DAB1: variants seen among roughly 807,000 people sequenced by gnomAD.
DAB1 encodes the protein DAB adaptor protein 1.
Under a neutral mutation model 64.6 loss-of-function variants are expected in DAB1, and 15 were observed. That is an observed-to-expected ratio of 0.23 (90% CI 0.16 to 0.36). The LOEUF is 0.36. Ranked by LOEUF, DAB1 falls within the 10% of genes least tolerant of loss-of-function variation. The pLI, the probability that DAB1 is intolerant of heterozygous loss-of-function variation, is 1.00. For synonymous variants in DAB1, 235 were observed against 251.9 expected, an observed-to-expected ratio of 0.93 and a Z score of 0.64; for missense variants, 596 against 706.7, an observed-to-expected ratio of 0.84 and a Z score of 1.78.
chr1:58,033,773 A>C (rs1299110947), intron 5 of DAB1, among the ~76,000 whole-genome samples: 4 of 152,202 alleles, frequency 2.6e-5, no homozygotes, highest in Non-Finnish European at 4.4e-5. Flanking sequence ...ATTTCTGCTG[A>C]TATTTTTTAT....
intron 5 of DAB1, among the ~76,000 whole-genome samples, chr1:58,063,299 C>T (rs1358621137): frequency 6.6e-6 from 1 of 152,016 alleles, no homozygotes; most frequent in Non-Finnish European, 1.5e-5. Flanking sequence ...TGAGTCATTT[C>T]GTGACGCAAG....
chr1:57,092,603 A>G (rs956827507), intron 4 of DAB1, among the ~76,000 whole-genome samples: 8 of 146,056 alleles, frequency 5.5e-5, no homozygotes, highest in African/African-American at 2.0e-4. Context: ...AGTCAATGAA[A>G]CCTCCTTCTT....
rs143373940 is a variant in DAB1, at chr1:57,364,287, C to A, written c.-137+59643G>T. 2.0e-3 allele frequency among the ~76,000 whole-genome samples: 306 copies of A among 152,226 alleles called. 1 individual carries two copies. Among genetic ancestry groups the A allele is most frequent in the African/African-American group, 6.8e-3 (282 of 41,538 alleles). On this transcript the variant is annotated intron_variant, in intron 1 of 14. Coordinates refer to ENST00000371236, the MANE Select transcript of DAB1 (RefSeq NM_001365792.1). ...TATTTCTAAGAGAGTATTAAAGAAC[C>A]AGTCCAAATGAAAATTCCAAAATTA...
chr1:58,188,102 T>C (rs1433965371), intron 4 of DAB1, among the ~76,000 whole-genome samples: 1 of 151,470 alleles, frequency 6.6e-6, no homozygotes, highest in Admixed American at 6.6e-5. Context: ...AGAGATGGGG[T>C]TTCACCATGT....
chr1:58,510,318 G>A (rs1245169039), intron 2 of DAB1, among the ~76,000 whole-genome samples: 2 of 151,924 alleles, frequency 1.3e-5, no homozygotes, highest in Admixed American at 1.3e-4. Context: ...AATCAAGAAT[G>A]GTTCAACACA....
chr1:57,853,832 T>C (rs1475759676), intron 1 of DAB1, among the ~76,000 whole-genome samples: 3 of 152,040 alleles, frequency 2.0e-5, no homozygotes, highest in Non-Finnish European at 4.4e-5. Context: ...TTACAAGAGG[T>C]GAGAAGGTTC....
intron 1 of DAB1, among the ~76,000 whole-genome samples, chr1:57,858,429 G>A (rs1253879392): frequency 6.6e-6 from 1 of 151,954 alleles, no homozygotes; most frequent in Admixed American, 6.6e-5. Flanking sequence ...CCAGCTTATT[G>A]CAAAGTAAGG....
intron 2 of DAB1, among the ~76,000 whole-genome samples, chr1:57,167,494 T>C (rs1306014893): frequency 2.0e-5 from 3 of 152,172 alleles, no homozygotes; most frequent in Non-Finnish European, 4.4e-5. Context: ...TCTCTTGTGG[T>C]GTGTCCAGGG....
intron 7 of DAB1, among the ~76,000 whole-genome samples, chr1:57,517,650 C>T (rs1644478262): frequency 6.6e-6 from 1 of 152,188 alleles, no homozygotes; most frequent in African/African-American, 2.4e-5. Flanking sequence ...TCTTTGAACC[C>T]TAATTTGACA....
At chr1:58,114,131 T>C (rs1652172740) in intron 5 of DAB1, among the ~76,000 whole-genome samples, 1 of 149,962 alleles carries the variant, frequency 6.7e-6, no homozygotes, top group African/African-American at 2.4e-5. Flanking sequence ...TGGTGGCACA[T>C]GCCTGTAATC....
intron 5 of DAB1, among the ~76,000 whole-genome samples, chr1:58,124,451 T>C (rs1652941572): frequency 6.6e-6 from 1 of 152,166 alleles, no homozygotes; most frequent in Non-Finnish European, 1.5e-5. Context: ...GGGCTGTATG[T>C]GTCAGGGGAA....
intron 1 of DAB1, among the ~76,000 whole-genome samples, chr1:57,384,926 A>T (rs1681684000): frequency 6.6e-6 from 1 of 152,230 alleles, no homozygotes; most frequent in Non-Finnish European, 1.5e-5. Context: ...AAATAAAAAT[A>T]TGTCAGATCA....
At chr1:57,952,340 C>T (rs1445547586) in intron 5 of DAB1, among the ~76,000 whole-genome samples, 2 of 152,110 alleles carry the variant, frequency 1.3e-5, no homozygotes, top group African/African-American at 4.8e-5. Context: ...AAACTGGGTT[C>T]CTGGTGACTT....
At chr1:57,175,951 A>G (rs972508700) in intron 2 of DAB1, among the ~76,000 whole-genome samples, 4 of 152,154 alleles carry the variant, frequency 2.6e-5, no homozygotes, top group Non-Finnish European at 4.4e-5. Flanking sequence ...GCAGTTTATT[A>G]CCACATAGAC....
chr1:58,501,642 T>A (rs991649361), intron 3 of DAB1, among the ~76,000 whole-genome samples: 1 of 152,192 alleles, frequency 6.6e-6, no homozygotes, highest in African/African-American at 2.4e-5. Flanking sequence ...TGTTCAAGTG[T>A]CAGCTTCTCA....
At chr1:58,428,559 T>C (rs567489061) in intron 3 of DAB1, among the ~76,000 whole-genome samples, 2 of 152,364 alleles carry the variant, frequency 1.3e-5, no homozygotes, top group Admixed American at 1.3e-4. Flanking sequence ...TACCACTGAC[T>C]AGATATTTGA....
intron 9 of DAB1, among the ~76,000 whole-genome samples, chr1:57,029,733 G>C (rs568764367): frequency 1.3e-5 from 2 of 152,288 alleles, no homozygotes; most frequent in South Asian, 2.1e-4. Context: ...TTTCAGACTT[G>C]CATGGGCCCT....
intron 7 of DAB1, among the ~76,000 whole-genome samples, chr1:57,480,299 G>A (rs1160135060): frequency 6.6e-6 from 1 of 152,076 alleles, no homozygotes; most frequent in African/African-American, 2.4e-5. Context: ...AAGAACATGG[G>A]CTCTAGCTTA....
chr1:57,068,421 T>A (rs1278222720), intron 8 of DAB1, among the ~76,000 whole-genome samples: 1 of 152,242 alleles, frequency 6.6e-6, no homozygotes, highest in Non-Finnish European at 1.5e-5. Context: ...GAACTAACAT[T>A]ATATTTTAGT....
Sources: allele counts gnomAD v4.1 joint callset (sites outside exome capture counted in the v4.1 genomes callset), GRCh38; gene constraint gnomAD v4.1.1; transcripts MANE v1.5; gene names NCBI Gene and HGNC (gene_info 2026-07-23, HGNC 2026-07-21).